PPP2R5C: variants seen among roughly 807,000 people sequenced by gnomAD.
PPP2R5C encodes the protein serine/threonine-protein phosphatase 2A 56 kDa regulatory subunit gamma isoform.
In PPP2R5C, 7 loss-of-function variants were observed where a neutral mutation model predicts 68.9. The observed-to-expected ratio is 0.10, with a 90% CI of 0.06 to 0.19. The LOEUF (loss-of-function observed/expected upper bound fraction) is 0.19, where lower values mean the gene tolerates loss of function less well. Ranked by LOEUF, PPP2R5C falls within the 10% of genes least tolerant of loss-of-function variation. The probability of loss-of-function intolerance (pLI) is 1.00; values close to 1 mark genes in which losing one functional copy is unlikely to be tolerated. For missense variants in PPP2R5C, 348 were observed against 641.3 expected (o/e 0.54, Z 4.94); for synonymous variants, 210 against 222.2 (o/e 0.95, Z 0.49).
At chr14:101,861,658 G>A (rs924081034) in intron 2 of PPP2R5C, among the ~76,000 whole-genome samples, 25 of 152,160 alleles carry the variant, frequency 1.6e-4, no homozygotes, top group Non-Finnish European at 1.8e-4. Context: ...AAATGTGAAG[G>A]TTTCATAAAG....
chr14:101,848,303 C>T (rs1482314966), intron 1 of PPP2R5C, among the ~76,000 whole-genome samples: 2 of 152,060 alleles, frequency 1.3e-5, no homozygotes, highest in Admixed American at 6.5e-5. Context: ...GAGGCCAAGG[C>T]AGGCGGATCA....
Position 101,882,297 on chromosome 14 carries a change from G to A in PPP2R5C, c.405+26G>A, listed in dbSNP as rs778414747. 16 of 1,543,326 alleles carry A rather than the reference G, an allele frequency of 1.0e-5. 1 individual carries two copies. The highest frequency in any genetic ancestry group is 9.0e-5 in the Admixed American group (5 of 55,646). Reference sequence around the variant, plus strand: ...GTATCGGGCTCTGGGTGATAGACTCGGAGGGCACTGGTGACACATGGGAAT... The same window carrying A: ...GTATCGGGCTCTGGGTGATAGACTCAGAGGGCACTGGTGACACATGGGAAT... On this transcript the variant is annotated intron_variant, in intron 3 of 13. Transcript: ENST00000334743. The surrounding 1 kb of genome is among the most constrained non-coding windows in gnomAD (Gnocchi z 4.9).
chr14:101,878,910 C>A (rs942224585), intron 2 of PPP2R5C, among the ~76,000 whole-genome samples: 1 of 152,190 alleles, frequency 6.6e-6, no homozygotes, highest in Non-Finnish European at 1.5e-5. Context: ...CTGGCACAGT[C>A]GGGGACATTT....
intron 9 of PPP2R5C, among the ~76,000 whole-genome samples, chr14:101,904,671 A>G (rs1226307848): frequency 2.0e-5 from 3 of 152,104 alleles, no homozygotes; most frequent in Non-Finnish European, 4.4e-5. Context: ...CTCACCTGCC[A>G]TTCTCTCAGC....
At chr14:101,847,753 C>A (rs2041922918) in intron 1 of PPP2R5C, among the ~76,000 whole-genome samples, 1 of 151,178 alleles carries the variant, frequency 6.6e-6, no homozygotes, top group Non-Finnish European at 1.5e-5. Context: ...ACCTCCGCCT[C>A]CTGGGTTCAA....
chr14:101,881,085 A>G (rs1171278248), intron 2 of PPP2R5C, among the ~76,000 whole-genome samples: 4 of 152,134 alleles, frequency 2.6e-5, no homozygotes, highest in Admixed American at 1.3e-4. Flanking sequence ...AACCAATCAT[A>G]TTTAGACTTA....
chr14:101,918,096 C>A, intron 13 of PPP2R5C, 149 bp downstream of exon 15: 2 of 1,109,154 alleles, frequency 1.8e-6, no homozygotes, highest in Non-Finnish European at 2.4e-6. Context: ...AACATTGTAT[C>A]GATAGATCTT....
At chr14:101,803,006 A>G (rs906243482) in intron 3 of PPP2R5C, among the ~76,000 whole-genome samples, 3 of 151,506 alleles carry the variant, frequency 2.0e-5, no homozygotes, top group African/African-American at 4.8e-5. Flanking sequence ...CTTGAGCTCA[A>G]GAGTTTGAGA....
At chr14:101,761,704 C>G, upstream of PPP2R5C, 2 of 446,828 alleles carry the variant, frequency 4.5e-6, no homozygotes, top group Non-Finnish European at 5.9e-6. Context: ...GCCGCCGCCG[C>G]CGCCGCCGCC....
At chr14:101,914,080 C>CT in intron 12 of PPP2R5C, 2 of 446,222 alleles carry the variant, frequency 4.5e-6, no homozygotes, top group Admixed American at 2.5e-5. Context: ...GTATTGTTCT[C>CT]TTTTTTCTTT....
chr14:101,791,808 G>A (rs1188406208), intron 3 of PPP2R5C, among the ~76,000 whole-genome samples: 1 of 152,010 alleles, frequency 6.6e-6, no homozygotes, highest in Non-Finnish European at 1.5e-5. Context: ...AAACGCAGCT[G>A]TTTTATAGCC....
chr14:101,836,382 C>A, intron 1 of PPP2R5C: 2 of 702,238 alleles, frequency 2.8e-6, no homozygotes, highest in South Asian at 1.5e-5. Flanking sequence ...CCTCTACTCC[C>A]GACCTGCCAA....
chr14:101,803,404 AAAATC>A (rs1412281186), intron 3 of PPP2R5C: 1 of 152,204 alleles, frequency 6.6e-6, no homozygotes, highest in African/African-American at 2.4e-5. Context: ...ACTATATACA[AAAATC>A]AAATCAAAGT....
rs547173667 is a variant in PPP2R5C at position 101,779,301 on chromosome 14, A to C, written c.94-6717A>C. 2.0e-4 allele frequency among the ~76,000 whole-genome samples: 31 copies of C among 152,258 alleles called. No homozygotes were observed. In the South Asian group the frequency reaches 6.2e-3, roughly 31 times the overall value. On this transcript the variant is annotated intron_variant, in intron 2 of 14. Transcript: ENST00000328724. Reference sequence around the variant, plus strand: ...GTGTCCATGCTCTCAACAAGCTCAGAATCTCTTTGTAGAAGCAGACATGGG... The same window carrying C: ...GTGTCCATGCTCTCAACAAGCTCAGCATCTCTTTGTAGAAGCAGACATGGG...
At chr14:101,850,114 A>G (rs1344859214) in intron 1 of PPP2R5C, among the ~76,000 whole-genome samples, 1 of 151,382 alleles carries the variant, frequency 6.6e-6, no homozygotes, top group Non-Finnish European at 1.5e-5. Flanking sequence ...GCAAGCATCA[A>G]ATCAATGGTT....
At position 101,913,739 on chromosome 14, in the gene PPP2R5C, C is replaced by T. The variant is rs1156387535; in HGVS notation, c.1326+1266C>T. On this transcript the variant is annotated intron_variant, in intron 12 of 13. Transcript: ENST00000334743. This position sits in a 1 kb window ranked among gnomAD's most constrained non-coding sequence, Gnocchi z 4.1. Reference sequence around the variant, plus strand: ...GCAAGTTTATAAGGCCCAGCCCTGCCTGACGCTGCCCTGCGTGTCTTGCTT... The same window carrying T: ...GCAAGTTTATAAGGCCCAGCCCTGCTTGACGCTGCCCTGCGTGTCTTGCTT... Among the ~76,000 whole-genome samples, 1 of 152,206 alleles carries T rather than the reference C, an allele frequency of 6.6e-6. No homozygotes were observed. The highest frequency in any genetic ancestry group is 1.5e-5 in the Non-Finnish European group (1 of 68,034).
chr14:101,782,253 CT>C (rs2140036952), intron 2 of PPP2R5C, among the ~76,000 whole-genome samples: 1 of 5,212 alleles, frequency 1.9e-4, no homozygotes, highest in South Asian at 6.1e-3. Context: ...CCTTCCCCCT[CT>C]CTCCCCCCCT....
At chr14:101,798,896 G>A (rs985916882) in intron 3 of PPP2R5C, among the ~76,000 whole-genome samples, 1 of 152,238 alleles carries the variant, frequency 6.6e-6, no homozygotes, top group Non-Finnish European at 1.5e-5. Flanking sequence ...GCATCATGGG[G>A]GACCTGGAAT....
rs1244007064 is a variant in PPP2R5C at position 101,877,329 on chromosome 14, G to A, written c.295-4832G>A. Among the ~76,000 whole-genome samples the A allele has an allele frequency of 6.6e-6, 1 of 152,136 alleles. No homozygotes were observed. Among genetic ancestry groups the A allele is most frequent in the Non-Finnish European group, 1.5e-5 (1 of 68,032 alleles). On this transcript the variant is annotated intron_variant, in intron 2 of 13. Transcript: ENST00000334743. The surrounding 1 kb of genome is among the most constrained non-coding windows in gnomAD (Gnocchi z 4.2). ...GGTCCTTCTTCTAGGTGGGAAGAGG[G>A]TGTAGAGAGACTGTTTCCATGAGGC...
Sources: allele counts gnomAD v4.1 joint callset (sites outside exome capture counted in the v4.1 genomes callset), GRCh38; gene constraint gnomAD v4.1.1; non-coding constraint Gnocchi (gnomAD v3.1); transcripts MANE v1.5; gene names NCBI Gene and HGNC (gene_info 2026-07-23, HGNC 2026-07-21).